TRPV5: variants seen among roughly 807,000 people sequenced by gnomAD.
TRPV5 encodes the protein transient receptor potential cation channel subfamily V member 5.
A neutral mutation model predicts 74.1 loss-of-function variants in TRPV5; 66 were observed. The ratio of observed to expected loss-of-function variants is 0.89; its 90% CI spans 0.73 to 1.09. The LOEUF (loss-of-function observed/expected upper bound fraction) is 1.09, where lower values mean the gene tolerates loss of function less well. TRPV5 is among the 50% of genes least tolerant of loss of function. The pLI is 0.00. For synonymous variants in TRPV5, 399 were observed against 360.7 expected (o/e 1.11, Z -1.20); for missense variants, 936 against 930.4 (o/e 1.01, Z -0.08).
In TRPV5 at chr7:142,928,204, G is replaced by A. The variant is rs1796019938; in HGVS notation, c.793C>T (p.His265Tyr). ...MFQHLMQKRR[H>Y]IQWTYGPLTS... ...AGGGGTCCATACGTCCACTGGATGT[G>A]CCTCCGCTTCTGCATCAGGTGCTGG... The change falls in exon 7 of 15, where the codon CAC becomes TAC. Residue 265 changes from histidine to tyrosine, a missense_variant. His to Tyr is a moderately conservative substitution (Grantham distance 83). Coordinates refer to ENST00000265310, the MANE Select transcript of TRPV5 (RefSeq NM_019841.7). The A allele has an allele frequency of 1.2e-6, 2 of 1,614,184 alleles. No individual in the cohort carries two copies. Among genetic ancestry groups the A allele is most frequent in the East Asian group, 4.5e-5 (2 of 44,878 alleles).
At position 142,914,894 on chromosome 7, in the gene TRPV5, A is replaced by T; in HGVS notation, c.1439T>A (p.Ile480Asn). ...GAAAGCACTGACCTTCTGGATCATG[A>T]TGGTGAAGGGACCCAGCATCTGGAA... The part of the protein sequence containing the change: ...RGFQMLGPFT[I>N]MIQKMIFGDL... Residue 480 changes from isoleucine (I) to asparagine (N), a missense_variant, in exon 11 of 15, where the codon ATC becomes AAC. Transcript: ENST00000265310. 1 of 1,614,112 alleles carries T rather than the reference A, an allele frequency of 6.2e-7. No individual in the cohort carries two copies. The highest frequency in any genetic ancestry group is 8.5e-7 in the Non-Finnish European group (1 of 1,180,014).
chr7:142,919,379 G>A (rs1191108439), intron 8 of TRPV5, among the ~76,000 whole-genome samples: 2 of 152,222 alleles, frequency 1.3e-5, no homozygotes, highest in African/African-American at 2.4e-5. Context: ...GACAGCAGGT[G>A]CAAGTTAAGC....
At chr7:142,910,945 A>ACTAT (rs1372004787) in intron 13 of TRPV5, among the ~76,000 whole-genome samples, 1 of 151,822 alleles carries the variant, frequency 6.6e-6, no homozygotes, top group African/African-American at 2.4e-5. Context: ...CAACACCTCC[A>ACTAT]CTATCTAGTC....
chr7:142,929,692 G>A, intron 3 of TRPV5, 127 bp from the exon 4 acceptor site: 1 of 1,427,788 alleles, frequency 7.0e-7, no homozygotes, highest in Non-Finnish European at 9.4e-7. Flanking sequence ...CCTGGGCTTG[G>A]CAGGGTGGCC....
intron 8 of TRPV5, among the ~76,000 whole-genome samples, chr7:142,916,994 A>C (rs1391013737): frequency 6.6e-6 from 1 of 151,548 alleles, no homozygotes; most frequent in Non-Finnish European, 1.5e-5. Context: ...ATATAATAGC[A>C]AATTTCTTTT....
At chr7:142,914,835 GA>G in intron 11 of TRPV5, 45 bp downstream of exon 11, 1 of 1,611,922 alleles carries the variant, frequency 6.2e-7, no homozygotes. Context: ...CTCTGTCTGT[GA>G]AGGTCTTGTG....
chr7:142,933,423 T>TC lies in TRPV5; in HGVS notation c.36dup (p.Ser13GlufsTer45). On this transcript the variant is annotated frameshift_variant, in exon 1 of 15. Transcript: ENST00000265310. LOFTEE classifies it high-confidence loss of function. ...GAGGGCAGAAGTTTCTGGAGTTGGC[T>TC]CCCGGGCCCTTCTGCCTTAGGTAGA... 2 of 1,614,090 alleles carry TC rather than the reference T, an allele frequency of 1.2e-6. No individual in the cohort carries two copies. Among genetic ancestry groups the TC allele is most frequent in the South Asian group, 2.2e-5 (2 of 91,074 alleles).
chr7:142,929,376 G>C (rs1392912775), intron 4 of TRPV5, 52 bp downstream of exon 4: 22 of 1,595,460 alleles, frequency 1.4e-5, no homozygotes, highest in Non-Finnish European at 1.8e-5. Context: ...GCCTCCCTCT[G>C]CCTTGCCCGC....
chr7:142,916,902 T>G (rs950808182), intron 8 of TRPV5, among the ~76,000 whole-genome samples: 2 of 148,684 alleles, frequency 1.3e-5, no homozygotes, highest in African/African-American at 4.9e-5. Context: ...CTTTTTTTTT[T>G]CTTTTTTGGC....
chr7:142,914,926 A>G lies in TRPV5; in HGVS notation c.1407T>C (p.Thr469=). The part of the protein sequence containing the change: ...VLGWCSVMYF[T]RGFQMLGPFT... ...AGGGACCCAGCATCTGGAATCCTCG[A>G]GTGAAATACATGACACTGCACCAGC... The change falls in exon 11 of 15, where the codon ACT becomes ACC. Residue 469 remains threonine (T), a synonymous_variant. Coordinates refer to ENST00000265310, the MANE Select transcript of TRPV5 (RefSeq NM_019841.7). The G allele has an allele frequency of 1.2e-6, 2 of 1,614,150 alleles. No individual in the cohort carries two copies. The highest frequency in any genetic ancestry group is 1.7e-6 in the Non-Finnish European group (2 of 1,180,030).
In TRPV5 at chr7:142,924,301, C is replaced by CAT. The variant is rs1481130391; in HGVS notation, c.1122+1226_1122+1227dup. On this transcript the variant is annotated intron_variant, in intron 8 of 14. Coordinates refer to ENST00000265310, the MANE Select transcript of TRPV5 (RefSeq NM_019841.7). ...ATATACATATACATGTATATATATACATATATATATACACACATATACATG... is the reference window on the plus strand; with the variant it reads ...ATATACATATACATGTATATATATACATATATATATATACACACATATACATG... 1.8e-4 allele frequency among the ~76,000 whole-genome samples: 17 copies of CAT among 93,896 alleles called. 2 individuals are homozygous for CAT. Among genetic ancestry groups the CAT allele is most frequent in the African/African-American group, 4.5e-4 (9 of 20,154 alleles). The allele number at this position is 93,896 out of a possible 152,430, so 61.6% of individuals were successfully genotyped here.
In TRPV5 at chr7:142,933,659, T is replaced by C; in HGVS notation, c.-200A>G. 2 of 654,524 alleles carry C rather than the reference T, an allele frequency of 3.1e-6. No individual in the cohort carries two copies. The highest frequency in any genetic ancestry group is 1.9e-5 in the South Asian group (1 of 51,678). 40.5% of individuals were successfully genotyped at this position (654,524 alleles called of 1,614,324 possible). ...ATGTGGGTTGTGGGGTGTGCGTGTA[T>C]GCACAGTGTGTGGCTGTGGTGTATG... On this transcript the variant is annotated 5_prime_UTR_variant, in exon 1 of 15. Transcript: ENST00000265310.
At chr7:142,931,994 G>A (rs1210587638) in intron 1 of TRPV5, among the ~76,000 whole-genome samples, 28 of 152,244 alleles carry the variant, frequency 1.8e-4, no homozygotes, top group Admixed American at 1.4e-3. Context: ...GAGCCACCAC[G>A]CCCAGCCAAA....
chr7:142,928,024 A>C, intron 7 of TRPV5, 64 bp downstream of exon 7: 1 of 1,599,536 alleles, frequency 6.3e-7, no homozygotes, highest in Non-Finnish European at 8.6e-7. Context: ...TAGTAAGTGG[A>C]CAGACTCTGC....
At position 142,930,336 on chromosome 7, in the gene TRPV5, A is replaced by G. The variant is rs750294243; in HGVS notation, c.226+13T>C. 1.9e-6 allele frequency: 3 copies of G among 1,613,774 alleles called. No individual in the cohort carries two copies. The highest frequency in any genetic ancestry group is 2.2e-5 in the East Asian group (1 of 44,882). On this transcript the variant is annotated intron_variant, in intron 2 of 14. Transcript: ENST00000265310. ...TCTGCCCCCACCTCCATCCCATTAA[A>G]TCCAGATCCCACCTCTTTGTCGAAC... is the stretch of plus-strand genomic sequence containing the variant.
chr7:142,915,599 C>T, intron 8 of TRPV5, 31 bp from the exon 9 acceptor site: 1 of 1,606,818 alleles, frequency 6.2e-7, no homozygotes, highest in South Asian at 1.1e-5. Context: ...GAAGTGCTTT[C>T]TGATGGGCAG....
rs139650934 is a variant in TRPV5 at position 142,928,232 on chromosome 7, C to T, written c.765G>A (p.Met255Ile). ...TCCGCTTCTGCATCAGGTGCTGGAACATCTGAGAGACCACCAGGATGAGTC... is the reference window on the plus strand; with the variant it reads ...TCCGCTTCTGCATCAGGTGCTGGAATATCTGAGAGACCACCAGGATGAGTC... ...KLAGVEGNTV[M>I]FQHLMQKRRH... The change falls in exon 7 of 15, where the codon ATG becomes ATA. Residue 255 changes from methionine (M) to isoleucine (I), a missense_variant and splice_region_variant. By Grantham distance (10) the Met-to-Ile change is conservative. Transcript: ENST00000265310. 92 of 1,614,182 alleles carry T rather than the reference C, an allele frequency of 5.7e-5. No homozygotes were observed. The African/African-American group carries it at 1.0e-3, about 18-fold the overall frequency.
In TRPV5 at chr7:142,933,662, ACAGT is replaced by A; in HGVS notation, c.-207_-204del. On this transcript the variant is annotated 5_prime_UTR_variant, in exon 1 of 15. The change abolishes the stop of an existing upstream ORF in the 5' untranslated region. Transcript: ENST00000265310. ...TGGGTTGTGGGGTGTGCGTGTATGC[ACAGT>A]GTGTGGCTGTGGTGTATGTGTGTGC... The A allele has an allele frequency of 3.1e-6, 2 of 647,894 alleles. No homozygotes were observed. The highest frequency in any genetic ancestry group is 5.3e-6 in the Non-Finnish European group (2 of 380,622). 40.1% of individuals were successfully genotyped at this position (647,894 alleles called of 1,614,324 possible).
In TRPV5 at chr7:142,908,263, T is replaced by G; in HGVS notation, c.*251A>C. On this transcript the variant is annotated 3_prime_UTR_variant, in exon 15 of 15. Transcript: ENST00000265310. ...AGCATCCCTGCCTCATGTCTTTAGT[T>G]GCCAACCTCCTTTTTCCTGAGATGG... 1 of 569,380 alleles carries G rather than the reference T, an allele frequency of 1.8e-6. No homozygotes were observed. The highest frequency in any genetic ancestry group is 3.1e-5 in the Admixed American group (1 of 31,942). 35.3% of individuals were successfully genotyped at this position (569,380 alleles called of 1,614,324 possible).
Sources: gnomAD v4.1 joint callset for allele counts (sites outside exome capture counted in the v4.1 genomes callset) on GRCh38, gnomAD v4.1.1 for gene constraint, MANE v1.5 for transcripts, NCBI Gene and HGNC (gene_info 2026-07-23, HGNC 2026-07-21) for gene names.